SEMA6D: variants seen among roughly 807,000 people sequenced by gnomAD.
The protein encoded by SEMA6D is semaphorin-6D.
SEMA6D carries 35 observed loss-of-function variants against 106.6 expected under a neutral mutation model. The ratio of observed to expected loss-of-function variants is 0.33; its 90% CI spans 0.25 to 0.44. SEMA6D has a LOEUF of 0.44. Ranked by LOEUF, SEMA6D falls within the 20% of genes least tolerant of loss-of-function variation. SEMA6D has a pLI of 1.00. For synonymous variants in SEMA6D, 499 were observed against 487.7 expected (o/e 1.02, Z -0.31); for missense variants, 1,185 against 1,345.9 (o/e 0.88, Z 1.87).
chr15:47,766,047 G>A (rs1169308692), intron 14 of SEMA6D, 38 bp downstream of exon 14: 4 of 1,611,924 alleles, frequency 2.5e-6, no homozygotes, highest in South Asian at 1.1e-5. Flanking sequence ...GGGTCTTGCA[G>A]TATCGAAACC....
chr15:47,550,499 T>G (rs1319519882), intron 3 of SEMA6D, among the ~76,000 whole-genome samples: 2 of 152,178 alleles, frequency 1.3e-5, no homozygotes, highest in Non-Finnish European at 2.9e-5. Flanking sequence ...ATACAATATG[T>G]ATTCCCTACT....
intron 1 of SEMA6D, among the ~76,000 whole-genome samples, chr15:47,249,226 T>C (rs1382780408): frequency 6.6e-6 from 1 of 152,076 alleles, no homozygotes; most frequent in Non-Finnish European, 1.5e-5. Context: ...AGACTCCGTC[T>C]CAAAAACAAA....
At chr15:47,737,184 C>T (rs150928118) in intron 1 of SEMA6D, among the ~76,000 whole-genome samples, 1 of 152,210 alleles carries the variant, frequency 6.6e-6, no homozygotes, top group Non-Finnish European at 1.5e-5. Flanking sequence ...GGTACACCCA[C>T]AGTACAAATA....
At chr15:47,585,615 C>T (rs1206823342) in intron 3 of SEMA6D, among the ~76,000 whole-genome samples, 3 of 152,112 alleles carry the variant, frequency 2.0e-5, no homozygotes, top group African/African-American at 4.8e-5. Flanking sequence ...AACCAAGCAG[C>T]GTCTTTTCAC....
Position 47,766,609 on chromosome 15 carries a change from A to T in SEMA6D, c.1647-7A>T, listed in dbSNP as rs757558178. 1 of 1,612,510 alleles carries T rather than the reference A, an allele frequency of 6.2e-7. No individual in the cohort carries two copies. The highest frequency in any genetic ancestry group is 8.5e-7 in the Non-Finnish European group (1 of 1,179,066). On this transcript the variant is annotated splice_polypyrimidine_tract_variant and splice_region_variant and intron_variant, in intron 15 of 18. Coordinates refer to ENST00000536845, the MANE Select transcript of SEMA6D (RefSeq NM_001358351.3). ...ACCGAAGACTTCTTTGCTTTCCATA[A>T]CCACAGTGCTGAAGGATATGAACAA...
intron 4 of SEMA6D, among the ~76,000 whole-genome samples, chr15:47,634,908 G>A (rs2077358272): frequency 6.6e-6 from 1 of 152,184 alleles, no homozygotes; most frequent in Non-Finnish European, 1.5e-5. Flanking sequence ...TGTCTGACTG[G>A]AATGTGGAAG....
intron 4 of SEMA6D, among the ~76,000 whole-genome samples, chr15:47,617,035 A>G (rs1175679021): frequency 6.6e-6 from 1 of 152,206 alleles, no homozygotes; most frequent in Non-Finnish European, 1.5e-5. Flanking sequence ...CTTAGCTCCC[A>G]GGCATGATCG....
intron 3 of SEMA6D, among the ~76,000 whole-genome samples, chr15:47,558,857 A>AT (rs759135238): frequency 8.5e-5 from 13 of 152,130 alleles, no homozygotes; most frequent in Non-Finnish European, 1.6e-4. Context: ...AATGGCAAAA[A>AT]TTAAAGCCAA....
chr15:47,706,407 T>C (rs535725750), intron 4 of SEMA6D, among the ~76,000 whole-genome samples: 2 of 152,316 alleles, frequency 1.3e-5, no homozygotes, highest in East Asian at 1.9e-4. Flanking sequence ...AGTGATATTT[T>C]TAATACAAAG....
In SEMA6D at chr15:47,477,473, C is replaced by T. The variant is rs539029666; in HGVS notation, c.-87+6928C>T. Among the ~76,000 whole-genome samples the T allele has an allele frequency of 7.2e-5, 11 of 152,228 alleles. No homozygotes were observed. The East Asian group carries it at 1.7e-3, about 24-fold the overall frequency. On this transcript the variant is annotated intron_variant, in intron 3 of 19. Transcript: ENST00000558014. ...ATCAAGAATGACCTGGAATAACCCA[C>T]TTTTACAACAAGAAAAAAATGTGAA...
At chr15:47,308,311 C>T (rs1295466592) in intron 1 of SEMA6D, among the ~76,000 whole-genome samples, 1 of 152,038 alleles carries the variant, frequency 6.6e-6, no homozygotes, top group African/African-American at 2.4e-5. Flanking sequence ...CCTCAGTTTC[C>T]TTATATGCCA....
chr15:47,367,725 CACAGAG>C (rs1216013048), intron 1 of SEMA6D, among the ~76,000 whole-genome samples: 2 of 21,198 alleles, frequency 9.4e-5, no homozygotes, highest in African/African-American at 2.1e-4. Context: ...CACACACACA[CACAGAG>C]AGAGAGAAAG....
intron 3 of SEMA6D, among the ~76,000 whole-genome samples, chr15:47,525,960 C>T (rs537993443): frequency 2.0e-5 from 3 of 152,290 alleles, no homozygotes; most frequent in East Asian, 1.9e-4. Flanking sequence ...GAAGGCCACC[C>T]ACTATAGAAG....
At chr15:47,721,681 T>C (rs553843739) in intron 1 of SEMA6D, among the ~76,000 whole-genome samples, 7 of 152,290 alleles carry the variant, frequency 4.6e-5, no homozygotes, top group African/African-American at 1.4e-4. Context: ...TACTAGACGT[T>C]CTTACTTTGA....
At chr15:47,444,925 G>A (rs992120778) in intron 2 of SEMA6D, among the ~76,000 whole-genome samples, 4 of 152,088 alleles carry the variant, frequency 2.6e-5, no homozygotes, top group Non-Finnish European at 4.4e-5. Context: ...GGTCACACAC[G>A]GACTTGAAGG....
chr15:47,428,829 A>ACCTTGTGTAT (rs2041430878), intron 2 of SEMA6D, among the ~76,000 whole-genome samples: 1 of 152,032 alleles, frequency 6.6e-6, no homozygotes, highest in Admixed American at 6.6e-5. Context: ...ATTGGTATTT[A>ACCTTGTGTAT]CGTACCTTGT....
intron 3 of SEMA6D, among the ~76,000 whole-genome samples, chr15:47,584,331 G>C (rs1252413476): frequency 6.6e-6 from 1 of 152,004 alleles, no homozygotes; most frequent in African/African-American, 2.4e-5. Context: ...GCTGAGGCAG[G>C]ATAATCGCCT....
At chr15:47,551,673 C>CTGTGTGTGTATG (rs1555389326) in intron 3 of SEMA6D, among the ~76,000 whole-genome samples, 4 of 141,252 alleles carry the variant, frequency 2.8e-5, no homozygotes, top group African/African-American at 1.1e-4. Context: ...ATCTGGGACT[C>CTGTGTGTGTATG]TGTGTGTGTG....
At chr15:47,734,960 G>T (rs945737954) in intron 1 of SEMA6D, among the ~76,000 whole-genome samples, 1 of 152,020 alleles carries the variant, frequency 6.6e-6, no homozygotes. Context: ...TTATTATTCT[G>T]CTCATTTCAT....
Sources: gnomAD v4.1 joint callset for allele counts (sites outside exome capture counted in the v4.1 genomes callset) on GRCh38, gnomAD v4.1.1 for gene constraint, MANE v1.5 for transcripts, NCBI Gene and HGNC (gene_info 2026-07-23, HGNC 2026-07-21) for gene names.